ARHGEF28: variants seen among roughly 807,000 people sequenced by gnomAD.
ARHGEF28 encodes the protein 190 kDa guanine nucleotide exchange factor.
In ARHGEF28, 152 loss-of-function variants were observed where a neutral mutation model predicts 206.6. That is an observed-to-expected ratio of 0.74 (90% CI 0.64 to 0.84). The LOEUF (loss-of-function observed/expected upper bound fraction) is 0.84. ARHGEF28 is among the 40% of genes least tolerant of loss of function. ARHGEF28 has a pLI of 0.00. For synonymous variants in ARHGEF28, 763 were observed against 776.4 expected, an observed-to-expected ratio of 0.98 and a Z score of 0.29; for missense variants, 2,028 against 2,073.2, an observed-to-expected ratio of 0.98 and a Z score of 0.42.
Position 73,882,489 on chromosome 5 carries a change from A to G in ARHGEF28, c.2832A>G (p.Ala944=), listed in dbSNP as rs545463958. The G allele has an allele frequency of 6.6e-5, 96 of 1,451,160 alleles. No individual in the cohort carries two copies. In the African/African-American group the frequency reaches 1.2e-3, roughly 18 times the overall value. 89.9% of individuals were successfully genotyped at this position (1,451,160 alleles called of 1,614,324 possible). A position where few individuals can be genotyped will look rare whatever the true frequency, so the allele number is the denominator to read the frequency against. ...ILVQQFSEEN[A]SKMKKIYGEF... ...TCTTCCAGTTTTCAGAAGAAAATGC[A>G]AGTAAAATGAAGAAAATATATGGAG... The change falls in exon 23 of 36, where the codon GCA becomes GCG. Residue 944 remains alanine (A), a synonymous_variant. Coordinates refer to ENST00000513042, the MANE Select transcript of ARHGEF28 (RefSeq NM_001177693.2).
At chr5:73,911,691 C>T (rs1228080649) in intron 35 of ARHGEF28, 116 bp downstream of exon 35, 2 of 1,105,282 alleles carry the variant, frequency 1.8e-6, no homozygotes, top group Non-Finnish European at 2.5e-6. Context: ...TAAATCGGTA[C>T]TGATGAGCTG....
At chr5:73,856,669 A>G (rs928241725) in intron 14 of ARHGEF28, among the ~76,000 whole-genome samples, 1 of 152,170 alleles carries the variant, frequency 6.6e-6, no homozygotes, top group Non-Finnish European at 1.5e-5. Context: ...CAATATTTTC[A>G]CAAAATATAA....
At chr5:73,893,363 A>G in intron 28 of ARHGEF28, 75 bp downstream of exon 28, 2 of 1,228,184 alleles carry the variant, frequency 1.6e-6, no homozygotes, top group Non-Finnish European at 2.2e-6. Flanking sequence ...TGTCATGAAC[A>G]GGAGGTTATA....
chr5:73,828,657 T>TGTTTC (rs1757074755), intron 9 of ARHGEF28, among the ~76,000 whole-genome samples: 3 of 151,604 alleles, frequency 2.0e-5, no homozygotes, highest in African/African-American at 4.8e-5. Flanking sequence ...CCTTTCCTTT[T>TGTTTC]TCCTTTCCTT....
At chr5:73,767,687 G>A (rs1171402218) in intron 4 of ARHGEF28, among the ~76,000 whole-genome samples, 2 of 152,102 alleles carry the variant, frequency 1.3e-5, no homozygotes, top group Non-Finnish European at 2.9e-5. Flanking sequence ...ATAAAAGTTT[G>A]GAAAATTTTT....
Position 73,864,803 on chromosome 5 carries a change from T to C in ARHGEF28, c.2048-14T>C, listed in dbSNP as rs1336389367. 6 of 1,610,208 alleles carry C rather than the reference T, an allele frequency of 3.7e-6. No homozygotes were observed. The Admixed American group carries it at 1.0e-4, about 27-fold the overall frequency. Reference sequence around the variant, plus strand: ...GTAAGATGGATGCTTTTGTATCTTTTCCCTTTATTTCAGACTGTAATGCAA... The same window carrying C: ...GTAAGATGGATGCTTTTGTATCTTTCCCCTTTATTTCAGACTGTAATGCAA... On this transcript the variant is annotated splice_polypyrimidine_tract_variant and intron_variant, in intron 16 of 35. Coordinates refer to ENST00000513042, the MANE Select transcript of ARHGEF28 (RefSeq NM_001177693.2).
chr5:73,685,609 A>AT (rs907686761), intron 2 of ARHGEF28, among the ~76,000 whole-genome samples: 17 of 151,724 alleles, frequency 1.1e-4, no homozygotes, highest in Admixed American at 9.2e-4. Flanking sequence ...AACAAATTTT[A>AT]TTTTTTTTAT....
chr5:73,705,237 C>T (rs1456864996), intron 2 of ARHGEF28, among the ~76,000 whole-genome samples: 1 of 152,070 alleles, frequency 6.6e-6, no homozygotes, highest in Non-Finnish European at 1.5e-5. Context: ...CAGAAGCAAC[C>T]AAGGCAAGCA....
At chr5:73,937,858 G>A (rs1223580592) in intron 35 of ARHGEF28, among the ~76,000 whole-genome samples, 1 of 152,136 alleles carries the variant, frequency 6.6e-6, no homozygotes, top group African/African-American at 2.4e-5. Context: ...TACAATTGCT[G>A]TGCTGGTTCT....
At chr5:73,800,216 G>A (rs1428021958) in intron 9 of ARHGEF28, among the ~76,000 whole-genome samples, 1 of 152,000 alleles carries the variant, frequency 6.6e-6, no homozygotes, top group South Asian at 2.1e-4. Context: ...AAGATAATTC[G>A]TGTCCTGTGT....
intron 1 of ARHGEF28, among the ~76,000 whole-genome samples, chr5:73,660,817 A>C (rs1386005927): frequency 6.6e-6 from 1 of 152,232 alleles, no homozygotes; most frequent in East Asian, 1.9e-4. Context: ...TAAGATATTC[A>C]GTAAACCATG....
chr5:73,839,442 T>G (rs1216934981), intron 10 of ARHGEF28, among the ~76,000 whole-genome samples: 1 of 152,200 alleles, frequency 6.6e-6, no homozygotes, highest in African/African-American at 2.4e-5. Context: ...TATCTCTAAA[T>G]GGTGTTACTG....
At chr5:73,877,634 T>C (rs1760610940) in intron 22 of ARHGEF28, among the ~76,000 whole-genome samples, 2 of 149,634 alleles carry the variant, frequency 1.3e-5, no homozygotes, top group Non-Finnish European at 3.0e-5. Context: ...TTTGTTCTTG[T>C]TGGTTTCAAA....
chr5:73,668,687 G>A (rs1372543497), intron 1 of ARHGEF28, among the ~76,000 whole-genome samples: 1 of 149,962 alleles, frequency 6.7e-6, no homozygotes, highest in Non-Finnish European at 1.5e-5. Context: ...TAGGCTGCCT[G>A]AAAATGCAGA....
At chr5:73,886,210 G>A (rs1472685702) in intron 25 of ARHGEF28, 106 bp downstream of exon 25, 14 of 1,367,236 alleles carry the variant, frequency 1.0e-5, no homozygotes, top group South Asian at 8.0e-5. Context: ...GCACACATGC[G>A]CAAACCCTGG....
intron 1 of ARHGEF28, among the ~76,000 whole-genome samples, chr5:73,668,728 A>G (rs1030817911): frequency 8.6e-5 from 13 of 151,834 alleles, no homozygotes; most frequent in South Asian, 2.1e-4. Flanking sequence ...GTCTCTGAGT[A>G]GTTAGATTTA....
intron 2 of ARHGEF28, among the ~76,000 whole-genome samples, chr5:73,698,614 G>A (rs913774150): frequency 1.3e-5 from 2 of 151,926 alleles, no homozygotes; most frequent in African/African-American, 4.8e-5. Flanking sequence ...TTCAAAGATG[G>A]AGGAAACTGG....
chr5:73,629,963 C>T (rs1171563505), intron 1 of ARHGEF28, among the ~76,000 whole-genome samples: 1 of 152,138 alleles, frequency 6.6e-6, no homozygotes, highest in Non-Finnish European at 1.5e-5. Flanking sequence ...CAGAAATCAG[C>T]AGTGGTGGCT....
chr5:73,739,443 TACAG>T (rs1200223611), intron 2 of ARHGEF28, among the ~76,000 whole-genome samples: 2 of 152,190 alleles, frequency 1.3e-5, no homozygotes, highest in East Asian at 1.9e-4. Flanking sequence ...AAACCATTAA[TACAG>T]AGAATAAAAA....
Sources: gnomAD v4.1 joint callset for allele counts (sites outside exome capture counted in the v4.1 genomes callset) on GRCh38, gnomAD v4.1.1 for gene constraint, MANE v1.5 for transcripts, NCBI Gene and HGNC (gene_info 2026-07-23, HGNC 2026-07-21) for gene names.